UTP4: variants seen among roughly 807,000 people sequenced by gnomAD.
UTP4 encodes the protein UTP4 small subunit processome component.
A neutral mutation model predicts 82.4 loss-of-function variants in UTP4; 45 were observed. The ratio of observed to expected loss-of-function variants is 0.55; its 90% confidence interval spans 0.43 to 0.70. The LOEUF is 0.70. Among genes scored for constraint, UTP4 ranks in the 30% least tolerant of loss-of-function variants. The pLI, the probability that UTP4 is intolerant of heterozygous loss-of-function variation, is 0.00. For synonymous variants in UTP4, 348 were observed against 300.3 expected (o/e 1.16, Z -1.64); for missense variants, 819 against 858.3 (o/e 0.95, Z 0.57).
In UTP4 at chr16:69,153,602, T is replaced by G. The variant is rs1318578620; in HGVS notation, c.1021T>G (p.Ser341Ala). The G allele has an allele frequency of 1.2e-6, 2 of 1,613,246 alleles. No individual in the cohort carries two copies. The highest frequency in any genetic ancestry group is 3.3e-5 in the Admixed American group (2 of 59,964). The change falls in exon 9 of 17, where the codon TCT (serine) becomes GCT (alanine). Residue 341 changes from serine to alanine, a missense_variant. Transcript: ENST00000314423. ...TFPHRCLISC[S>A]KKRQLLLFQF... Reference sequence around the variant, plus strand: ...GATATAGCGATGTCTCATCTCCTGTTCTAAAAAGAGGCAGCTTCTCCTCTT... The same window carrying G: ...GATATAGCGATGTCTCATCTCCTGTGCTAAAAAGAGGCAGCTTCTCCTCTT...
intron 6 of UTP4, among the ~76,000 whole-genome samples, chr16:69,145,316 A>T (rs1328761340): frequency 6.6e-6 from 1 of 151,838 alleles, no homozygotes; most frequent in African/African-American, 2.4e-5. Context: ...GCTGGAGTGC[A>T]GTGGTGCAGT....
rs769304578 is a variant in UTP4 at position 69,136,776 on chromosome 16, T to A, written c.240T>A (p.Asn80Lys). ...AGCGACTCTTTAGTGCTGGGCTCAA[T>A]GGCGAGATTATGGAGTATGATTTAC... ...EGQRLFSAGLNGEIMEYDLQA... is the reference protein window; with the variant it reads ...EGQRLFSAGLKGEIMEYDLQA... The change falls in exon 3 of 17, where the codon AAT becomes AAA. Residue 80 changes from asparagine (N) to lysine (K), a missense_variant. Transcript: ENST00000314423. 4.3e-6 allele frequency: 7 copies of A among 1,614,164 alleles called. No individual in the cohort carries two copies. The highest frequency in any genetic ancestry group is 5.9e-6 in the Non-Finnish European group (7 of 1,180,016).
At chr16:69,147,948 T>TG (rs1963161532) in intron 6 of UTP4, among the ~76,000 whole-genome samples, 1 of 151,636 alleles carries the variant, frequency 6.6e-6, no homozygotes, top group South Asian at 2.1e-4. Flanking sequence ...TGTTTTGTTG[T>TG]TTTGTTTGTT....
chr16:69,133,088 C>G, intron 1 of UTP4: 1 of 300,252 alleles, frequency 3.3e-6, no homozygotes, highest in Non-Finnish European at 6.4e-6. Context: ...GAGCTCGGTT[C>G]TGCCTGCCCC....
chr16:69,158,825 G>A (rs1023168629), intron 12 of UTP4, among the ~76,000 whole-genome samples: 3 of 151,982 alleles, frequency 2.0e-5, no homozygotes, highest in Non-Finnish European at 4.4e-5. Flanking sequence ...TTGTTATAAA[G>A]CCATGTTATC....
chr16:69,146,199 G>T (rs1455782494), intron 6 of UTP4, among the ~76,000 whole-genome samples: 4 of 151,936 alleles, frequency 2.6e-5, no homozygotes, highest in Non-Finnish European at 5.9e-5. Context: ...TTTTAAAAGT[G>T]TACATTTCAG....
intron 13 of UTP4, among the ~76,000 whole-genome samples, chr16:69,162,278 AT>A (rs916852718): frequency 6.7e-6 from 1 of 149,108 alleles, no homozygotes; most frequent in African/African-American, 2.5e-5. Flanking sequence ...ACCAATAGGT[AT>A]TTTTTTAAGA....
intron 3 of UTP4, 72 bp from the exon 4 acceptor site, chr16:69,137,729 T>A: frequency 1.6e-6 from 1 of 622,414 alleles, no homozygotes; most frequent in Admixed American, 2.3e-5. Flanking sequence ...TGTTGGGGGG[T>A]GTGTGTGTGT....
chr16:69,149,687 C>T (rs534228115), intron 6 of UTP4, among the ~76,000 whole-genome samples: 9 of 152,248 alleles, frequency 5.9e-5, no homozygotes, highest in African/African-American at 2.2e-4. Context: ...CTGCTCTGCC[C>T]ACCTTGTTTA....
At chr16:69,139,782 T>G (rs1168015869) in intron 4 of UTP4, 43 bp from the exon 5 acceptor site, 1 of 1,294,154 alleles carries the variant, frequency 7.7e-7, no homozygotes, top group East Asian at 2.3e-5. Flanking sequence ...CTTCGTATAT[T>G]TATGTGTATG....
intron 8 of UTP4, among the ~76,000 whole-genome samples, chr16:69,151,155 C>T (rs1253937935): frequency 1.3e-5 from 2 of 151,784 alleles, no homozygotes; most frequent in Admixed American, 6.6e-5. Context: ...TACAGGCATG[C>T]GCCACCGCGC....
chr16:69,164,738 G>A (rs989878937), intron 14 of UTP4, among the ~76,000 whole-genome samples: 3 of 151,664 alleles, frequency 2.0e-5, no homozygotes, highest in Non-Finnish European at 4.4e-5. Context: ...TAAGCAGAGT[G>A]GATAAGTAAA....
intron 4 of UTP4, among the ~76,000 whole-genome samples, chr16:69,139,421 T>C (rs1246422715): frequency 6.6e-6 from 1 of 151,498 alleles, no homozygotes; most frequent in Admixed American, 6.6e-5. Context: ...GGTGGATCAC[T>C]TGAGGTCAGG....
intron 4 of UTP4, chr16:69,139,247 A>G (rs1009761907): frequency 1.3e-5 from 2 of 152,022 alleles, no homozygotes; most frequent in South Asian, 2.1e-4. Context: ...GATTACAGAC[A>G]TGAGCAACTG....
At chr16:69,154,272 G>A in intron 9 of UTP4, 121 bp from the exon 10 acceptor site, 1 of 767,052 alleles carries the variant, frequency 1.3e-6, no homozygotes, top group South Asian at 1.6e-5. Flanking sequence ...CAGTGAGCTT[G>A]TATTTTTCTG....
intron 2 of UTP4, among the ~76,000 whole-genome samples, chr16:69,135,489 G>A (rs929984655): frequency 6.6e-6 from 1 of 152,076 alleles, no homozygotes; most frequent in Non-Finnish European, 1.5e-5. Context: ...AGGGCAGGTG[G>A]ATCACTTGAG....
In UTP4 at chr16:69,136,796, A is replaced by C; in HGVS notation, c.260A>C (p.Asp87Ala). The C allele has an allele frequency of 6.2e-7, 1 of 1,614,128 alleles. No homozygotes were observed. Among genetic ancestry groups the C allele is most frequent in the South Asian group, 1.1e-5 (1 of 91,080 alleles). Reference sequence around the variant, plus strand: ...CTCAATGGCGAGATTATGGAGTATGATTTACAGGCGTTAAACATCAAGTAT... The same window carrying C: ...CTCAATGGCGAGATTATGGAGTATGCTTTACAGGCGTTAAACATCAAGTAT... The part of the protein sequence containing the change: ...AGLNGEIMEY[D>A]LQALNIKYAM... The change falls in exon 3 of 17, where the codon GAT (aspartate) becomes GCT (alanine). Residue 87 changes from aspartate to alanine, a missense_variant. Transcript: ENST00000314423.
intron 4 of UTP4, 141 bp from the exon 5 acceptor site, chr16:69,139,671 TAAATAAATAAATA>T: frequency 1.1e-5 from 3 of 269,522 alleles, no homozygotes; most frequent in African/African-American, 2.3e-5. Context: ...AATAAATAAA[TAAATAAATAAATA>T]AAATGGTGCT....
chr16:69,151,967 C>T (rs1963283820), intron 8 of UTP4, among the ~76,000 whole-genome samples: 1 of 151,342 alleles, frequency 6.6e-6, no homozygotes, highest in South Asian at 2.1e-4. Context: ...CAGTAAACCT[C>T]ATTGAGTCTA....
Sources: gnomAD v4.1 joint callset for allele counts (sites outside exome capture counted in the v4.1 genomes callset) on GRCh38, gnomAD v4.1.1 for gene constraint, MANE v1.5 for transcripts, NCBI Gene and HGNC (gene_info 2026-07-23, HGNC 2026-07-21) for gene names.